The following PPP4R4 variants were observed in gnomAD, a reference collection of about 807,000 sequenced individuals.
PPP4R4 encodes the protein serine/threonine-protein phosphatase 4 regulatory subunit 4.
In PPP4R4, 70 loss-of-function variants were observed where a neutral mutation model predicts 121.8. The ratio of observed to expected loss-of-function variants is 0.57; its 90% confidence interval spans 0.47 to 0.70. The LOEUF is 0.70. PPP4R4 is among the 30% of genes least tolerant of loss of function. The pLI is 0.00. For synonymous variants in PPP4R4, 348 were observed against 355.7 expected (o/e 0.98, Z 0.24); for missense variants, 875 against 1,033.6 (o/e 0.85, Z 2.10).
rs1894785322 is a variant in PPP4R4 at position 94,278,850 on chromosome 14, A to G, written c.*207A>G. The G allele has an allele frequency of 2.9e-6, 1 of 348,520 alleles. No individual in the cohort carries two copies. The highest frequency in any genetic ancestry group is 4.8e-5 in the Admixed American group (1 of 20,930). The allele number at this position is 348,520 out of a possible 1,614,324, so 21.6% of individuals were successfully genotyped here. On this transcript the variant is annotated 3_prime_UTR_variant, in exon 25 of 25. Coordinates refer to ENST00000304338, the MANE Select transcript of PPP4R4 (RefSeq NM_058237.2). ...AGATTCCCTAGGAGGTATAATATAT[A>G]TTTCTTGAGTAATAATGTGGTTACG...
At chr14:94,199,794 G>A (rs766254683) in intron 2 of PPP4R4, among the ~76,000 whole-genome samples, 7 of 152,156 alleles carry the variant, frequency 4.6e-5, no homozygotes, top group East Asian at 1.9e-4. Flanking sequence ...GCTCTTATGC[G>A]GATGCGCTCC....
intron 16 of PPP4R4, among the ~76,000 whole-genome samples, chr14:94,252,353 T>C (rs1032276876): frequency 1.3e-5 from 2 of 152,194 alleles, no homozygotes; most frequent in Non-Finnish European, 1.5e-5. Flanking sequence ...TTTTGCCTTA[T>C]ATTATTGAAA....
intron 3 of PPP4R4, among the ~76,000 whole-genome samples, chr14:94,219,636 A>G (rs1891275138): frequency 6.6e-6 from 1 of 152,218 alleles, no homozygotes. Flanking sequence ...AAGGATAATA[A>G]TACATTATGA....
intron 14 of PPP4R4, among the ~76,000 whole-genome samples, chr14:94,246,783 C>A (rs1271969274): frequency 6.6e-6 from 1 of 152,126 alleles, no homozygotes. Context: ...TTCACCTACC[C>A]TTTGTTTATA....
At chr14:94,197,809 C>T (rs994285174) in intron 2 of PPP4R4, among the ~76,000 whole-genome samples, 1 of 152,148 alleles carries the variant, frequency 6.6e-6, no homozygotes, top group Non-Finnish European at 1.5e-5. Flanking sequence ...TGAAAACATA[C>T]AGTAGTATTA....
intron 23 of PPP4R4, among the ~76,000 whole-genome samples, chr14:94,271,937 TACTC>T (rs1371626450): frequency 6.6e-5 from 10 of 152,034 alleles, no homozygotes; most frequent in African/African-American, 2.4e-4. Flanking sequence ...AAAAATGAAA[TACTC>T]AGGCATAATT....
chr14:94,241,551 C>G (rs913152092), intron 9 of PPP4R4, among the ~76,000 whole-genome samples: 4 of 151,850 alleles, frequency 2.6e-5, no homozygotes, highest in Non-Finnish European at 5.9e-5. Context: ...ACAGTTCCTG[C>G]GTTATGTAAG....
At chr14:94,219,085 T>TC (rs1566665858) in intron 3 of PPP4R4, among the ~76,000 whole-genome samples, 4 of 147,278 alleles carry the variant, frequency 2.7e-5, no homozygotes, top group Non-Finnish European at 6.0e-5. Context: ...CTTTTCTTTT[T>TC]TTTTTTTTTT....
chr14:94,206,438 T>A (rs959203346), intron 2 of PPP4R4, among the ~76,000 whole-genome samples: 1 of 152,052 alleles, frequency 6.6e-6, no homozygotes, highest in South Asian at 2.1e-4. Context: ...TAAATTGATA[T>A]ATTTAGACCA....
At chr14:94,254,861 T>G (rs1372346781) in intron 16 of PPP4R4, among the ~76,000 whole-genome samples, 9 of 152,194 alleles carry the variant, frequency 5.9e-5, no homozygotes, top group Non-Finnish European at 1.2e-4. Context: ...CTTAACTTCC[T>G]GGCATTCTTC....
Position 94,250,152 on chromosome 14 carries a change from G to C in PPP4R4, c.1612-20G>C. On this transcript the variant is annotated intron_variant, in intron 14 of 24. Coordinates refer to ENST00000304338, the MANE Select transcript of PPP4R4 (RefSeq NM_058237.2). ...TAGAATTAGCCTAGTGTAACTGTCTGTCTTACTTACTTCTTCAAGAATGTT... is the reference window on the plus strand; with the variant it reads ...TAGAATTAGCCTAGTGTAACTGTCTCTCTTACTTACTTCTTCAAGAATGTT... 7 of 1,513,636 alleles carry C rather than the reference G, an allele frequency of 4.6e-6. No individual in the cohort carries two copies. The highest frequency in any genetic ancestry group is 6.4e-6 in the Non-Finnish European group (7 of 1,089,260). The allele number at this position is 1,513,636 out of a possible 1,614,324, so 93.8% of individuals were successfully genotyped here. A position where few individuals can be genotyped will look rare whatever the true frequency, so the allele number is the denominator to read the frequency against.
intron 2 of PPP4R4, among the ~76,000 whole-genome samples, chr14:94,190,869 C>CA (rs1251454621): frequency 1.0e-5 from 1 of 97,646 alleles, no homozygotes; most frequent in African/African-American, 3.6e-5. Flanking sequence ...CAGTGATTTC[C>CA]AACTTTTTTT....
intron 14 of PPP4R4, among the ~76,000 whole-genome samples, chr14:94,247,924 T>C (rs1892980467): frequency 6.6e-6 from 1 of 152,200 alleles, no homozygotes; most frequent in South Asian, 2.1e-4. Context: ...AAAATAATAA[T>C]AGCTGTCTAT....
intron 2 of PPP4R4, 45 bp downstream of exon 2, chr14:94,176,172 TGCA>T (rs1442400499): frequency 9.6e-6 from 14 of 1,462,124 alleles, no homozygotes; most frequent in Non-Finnish European, 1.3e-5. Flanking sequence ...TTTTTCCCTG[TGCA>T]GCAGAGATGA....
intron 15 of PPP4R4, 88 bp from the exon 16 acceptor site, chr14:94,251,661 C>T (rs1893184819): frequency 9.3e-7 from 1 of 1,069,796 alleles, no homozygotes; most frequent in African/African-American, 1.6e-5. Context: ...TATGAAGAAA[C>T]TTCTTATGCA....
chr14:94,208,852 T>G (rs1890597090), intron 3 of PPP4R4, among the ~76,000 whole-genome samples: 1 of 146,728 alleles, frequency 6.8e-6, no homozygotes, highest in African/African-American at 2.5e-5. Context: ...CTCTTAATTA[T>G]TCTTAAAAAA....
chr14:94,208,392 C>A, intron 2 of PPP4R4, 72 bp from the exon 3 acceptor site: 1 of 1,117,710 alleles, frequency 8.9e-7, no homozygotes, highest in Non-Finnish European at 1.3e-6. Context: ...CCAATTAGTC[C>A]ATACTTTTTA....
At chr14:94,214,508 CA>C (rs201462347) in intron 3 of PPP4R4, among the ~76,000 whole-genome samples, 33,947 of 129,900 alleles carry the variant, frequency 0.26, 4,504 homozygotes, top group East Asian at 0.6. Context: ...CTCTAAAAAA[CA>C]AAAAAAAAAC....
intron 3 of PPP4R4, among the ~76,000 whole-genome samples, chr14:94,219,477 A>G (rs1891267033): frequency 6.6e-6 from 1 of 152,220 alleles, no homozygotes; most frequent in Admixed American, 6.5e-5. Context: ...AGGAAATAAC[A>G]ATTCTACACA....
Sources: gnomAD v4.1 joint callset for allele counts (sites outside exome capture counted in the v4.1 genomes callset) on GRCh38, gnomAD v4.1.1 for gene constraint, MANE v1.5 for transcripts, NCBI Gene and HGNC (gene_info 2026-07-23, HGNC 2026-07-21) for gene names.